The following RASSF3 variants were observed in gnomAD, a reference collection of about 807,000 sequenced individuals.
The protein encoded by RASSF3 is Ras association domain family member 3.
In RASSF3, 19 loss-of-function variants were observed where a neutral mutation model predicts 19.9. The observed-to-expected ratio is 0.96, with a 90% CI of 0.67 to 1.40. The LOEUF (loss-of-function observed/expected upper bound fraction) is 1.40, where lower values mean the gene tolerates loss of function less well. Ranked by LOEUF, RASSF3 falls within the 40% of genes most tolerant of loss-of-function variation. The pLI is 0.00. For synonymous variants in RASSF3, 110 were observed against 104.2 expected, an observed-to-expected ratio of 1.06 and a Z score of -0.34; for missense variants, 306 against 289.8, an observed-to-expected ratio of 1.06 and a Z score of -0.41.
intron 1 of RASSF3, among the ~76,000 whole-genome samples, chr12:64,617,887 G>A (rs535015772): frequency 1.3e-5 from 2 of 152,220 alleles, no homozygotes; most frequent in South Asian, 4.1e-4. Context: ...GAATGTTGAC[G>A]TGGAAGTGTA....
chr12:64,642,729 A>C (rs1261882805), intron 1 of RASSF3, among the ~76,000 whole-genome samples: 1 of 151,820 alleles, frequency 6.6e-6, no homozygotes, highest in Non-Finnish European at 1.5e-5. Flanking sequence ...GTTTGGAAAC[A>C]GTAGATATTC....
chr12:64,679,173 C>T (rs2136214364), intron 1 of RASSF3, among the ~76,000 whole-genome samples: 1 of 152,314 alleles, frequency 6.6e-6, no homozygotes, highest in African/African-American at 2.4e-5. Flanking sequence ...AGTGATTCTC[C>T]TGCCTCAGCC....
At chr12:64,529,774 G>A (rs1470938725), upstream of RASSF3, among the ~76,000 whole-genome samples, 1 of 152,040 alleles carries the variant, frequency 6.6e-6, no homozygotes, top group Non-Finnish European at 1.5e-5. Context: ...CAATAAAATA[G>A]GCAATATGAT....
intron 2 of RASSF3, among the ~76,000 whole-genome samples, chr12:64,550,818 C>A (rs1366374622): frequency 3.2e-5 from 1 of 31,114 alleles, no homozygotes; most frequent in Admixed American, 2.5e-4. Flanking sequence ...GAGACTCCAT[C>A]TCAAAAAAAA....
At chr12:64,633,902 G>A (rs770520917) in intron 1 of RASSF3, among the ~76,000 whole-genome samples, 5 of 152,184 alleles carry the variant, frequency 3.3e-5, no homozygotes, top group Non-Finnish European at 7.3e-5. Flanking sequence ...GGGAGGCTGA[G>A]GTGGGAGGAT....
At chr12:64,610,836 G>T (rs568358275) in intron 1 of RASSF3, 93 bp downstream of exon 1, 52 of 654,256 alleles carry the variant, frequency 7.9e-5, no homozygotes, top group South Asian at 7.2e-4. Context: ...TCTCTGCGGG[G>T]CGCTCGGGGG....
At chr12:64,575,385 C>G (rs1869579362) in intron 2 of RASSF3, among the ~76,000 whole-genome samples, 1 of 152,142 alleles carries the variant, frequency 6.6e-6, no homozygotes, top group Non-Finnish European at 1.5e-5. Context: ...AACCCCGTCT[C>G]TACTAAAAAT....
chr12:64,552,400 G>A (rs982136136), intron 2 of RASSF3, among the ~76,000 whole-genome samples: 4 of 152,088 alleles, frequency 2.6e-5, no homozygotes, highest in Admixed American at 6.6e-5. Context: ...TGGGGTACAT[G>A]TGCAGGATGT....
At chr12:64,586,273 G>A (rs374517163) in intron 2 of RASSF3, among the ~76,000 whole-genome samples, 10 of 150,472 alleles carry the variant, frequency 6.6e-5, no homozygotes, top group African/African-American at 2.5e-4. Context: ...GCAGTGAGCC[G>A]AGATTGCACC....
Position 64,691,377 on chromosome 12 carries a change from G to A in RASSF3, c.458-93G>A, listed in dbSNP as rs563491462. 1.3e-3 allele frequency: 1,071 copies of A among 823,194 alleles called. 12 individuals are homozygous for A. In the African/African-American group the frequency reaches 0.016, roughly 12 times the overall value. The allele number at this position is 823,194 out of a possible 1,614,324, so 51.0% of individuals were successfully genotyped here. On this transcript the variant is annotated intron_variant, in intron 3 of 4. Coordinates refer to ENST00000542104, the MANE Select transcript of RASSF3 (RefSeq NM_178169.4). ...ACTTAGAGGCTGGGGTAACTTGGAT[G>A]GTTACCTTGATCTGGAGGAGGGGAT... is the stretch of plus-strand genomic sequence containing the variant.
chr12:64,610,729 C>A lies in RASSF3; in HGVS notation c.97C>A (p.Arg33Ser). ...CAGGAGAGCGCCCCAGGGCAAGCCC[C>A]GCTCCGGCCAACAAGTGAGTGGCGC... ...FFRRAPQGKP[R>S]SGQQDVEKEK... Residue 33 changes from arginine (R) to serine (S), a missense_variant, in exon 1 of 5, where the codon CGC becomes AGC. Arg to Ser is a moderately radical substitution (Grantham distance 110). Coordinates refer to ENST00000542104, the MANE Select transcript of RASSF3 (RefSeq NM_178169.4). 1.3e-6 allele frequency: 2 copies of A among 1,588,934 alleles called. No homozygotes were observed. Among genetic ancestry groups the A allele is most frequent in the Admixed American group, 1.7e-5 (1 of 58,136 alleles).
chr12:64,678,966 C>A (rs1053410555), intron 1 of RASSF3, among the ~76,000 whole-genome samples: 7 of 152,142 alleles, frequency 4.6e-5, no homozygotes, highest in Admixed American at 3.9e-4. Flanking sequence ...TGATTTTAGA[C>A]CTAAGTATGT....
chr12:64,595,017 C>T (rs913794510), intron 2 of RASSF3, among the ~76,000 whole-genome samples: 3 of 149,882 alleles, frequency 2.0e-5, no homozygotes, highest in Non-Finnish European at 3.0e-5. Flanking sequence ...ACACTACATA[C>T]ACACAAACAC....
downstream of RASSF3, among the ~76,000 whole-genome samples, chr12:64,545,674 T>G (rs1869040510): frequency 6.6e-6 from 1 of 152,156 alleles, no homozygotes; most frequent in Non-Finnish European, 1.5e-5. Context: ...ATGCCTGTAA[T>G]CCCAGCACTT....
intron 1 of RASSF3, among the ~76,000 whole-genome samples, chr12:64,635,760 G>T (rs201630258): frequency 6.6e-6 from 1 of 152,122 alleles, no homozygotes; most frequent in East Asian, 1.9e-4. Flanking sequence ...GAAGATGAGG[G>T]GATGAGGACT....
chr12:64,689,897 C>T (rs968262801), intron 3 of RASSF3, among the ~76,000 whole-genome samples: 3 of 148,376 alleles, frequency 2.0e-5, no homozygotes, highest in African/African-American at 7.4e-5. Context: ...ACGCCATTCT[C>T]CTGCCTCAGC....
chr12:64,629,503 C>A (rs577954534), intron 1 of RASSF3, among the ~76,000 whole-genome samples: 54 of 152,280 alleles, frequency 3.5e-4, no homozygotes, highest in African/African-American at 1.2e-3. Flanking sequence ...ATTTTTCTAG[C>A]AACTCCTGCC....
intron 1 of RASSF3, among the ~76,000 whole-genome samples, chr12:64,540,020 C>G (rs148700185): frequency 6.6e-6 from 1 of 152,110 alleles, no homozygotes; most frequent in Non-Finnish European, 1.5e-5. Flanking sequence ...GGCTTACATA[C>G]GTATCTTCAG....
intron 1 of RASSF3, among the ~76,000 whole-genome samples, chr12:64,613,212 TTTC>T (rs56170753): frequency 0.26 from 40,202 of 151,970 alleles, 5,459 homozygotes; most frequent in East Asian, 0.41. Context: ...GATAAGCCTT[TTTC>T]TTCATTTTCA....
Sources: allele counts gnomAD v4.1 joint callset (sites outside exome capture counted in the v4.1 genomes callset), GRCh38; gene constraint gnomAD v4.1.1; transcripts MANE v1.5; gene names NCBI Gene and HGNC (gene_info 2026-07-23, HGNC 2026-07-21).